Variants in MIPOL1 observed in about 807,000 individuals in gnomAD.
MIPOL1 encodes mirror-image polydactyly gene 1 protein.
A neutral mutation model predicts 60.9 loss-of-function variants in MIPOL1; 57 were observed. The ratio of observed to expected loss-of-function variants is 0.94; its 90% confidence interval spans 0.76 to 1.17. MIPOL1 has a LOEUF of 1.17. MIPOL1 is among the 50% of genes most tolerant of loss of function. MIPOL1 has a pLI of 0.00. For missense variants in MIPOL1, 551 were observed against 511.6 expected, an observed-to-expected ratio of 1.08 and a Z score of -0.74; for synonymous variants, 179 against 168.8, an observed-to-expected ratio of 1.06 and a Z score of -0.47.
chr14:37,496,798 CTACTT>C (rs2095137384), intron 11 of MIPOL1, among the ~76,000 whole-genome samples: 1 of 152,158 alleles, frequency 6.6e-6, no homozygotes, highest in Non-Finnish European at 1.5e-5. Flanking sequence ...TTGGAAAAAA[CTACTT>C]TAAAGTTCGT....
chr14:37,270,170 T>G (rs2083185905), intron 5 of MIPOL1, among the ~76,000 whole-genome samples: 1 of 152,138 alleles, frequency 6.6e-6, no homozygotes, highest in African/African-American at 2.4e-5. Flanking sequence ...CCTCTGAATT[T>G]AATTTGCCTG....
intron 3 of MIPOL1, among the ~76,000 whole-genome samples, chr14:37,263,771 A>G (rs2082674719): frequency 6.6e-6 from 1 of 152,222 alleles, no homozygotes; most frequent in South Asian, 2.1e-4. Flanking sequence ...AATGACACTG[A>G]TTAAACACTA....
chr14:37,230,138 G>C (rs1007997428), intron 1 of MIPOL1, among the ~76,000 whole-genome samples: 2 of 152,158 alleles, frequency 1.3e-5, no homozygotes, highest in Admixed American at 1.3e-4. Flanking sequence ...ATTCCACAAT[G>C]TATATTTCAA....
chr14:37,225,911 C>T lies in MIPOL1; in HGVS notation c.-198-21192C>T, dbSNP rs755168843. Among the ~76,000 whole-genome samples the T allele has an allele frequency of 3.0e-4, 46 of 152,066 alleles. 1 individual carries two copies. Among genetic ancestry groups the T allele is most frequent in the Non-Finnish European group, 5.7e-4 (39 of 68,006 alleles). ...TGCTTTGCTGTTGAGAAATTTCTTC[C>T]GCCAGACACCCTAAATCATCTCTCT... On this transcript the variant is annotated intron_variant, in intron 1 of 12. Transcript: ENST00000684589.
intron 10 of MIPOL1, among the ~76,000 whole-genome samples, chr14:37,380,535 A>G (rs1003637106): frequency 6.6e-6 from 1 of 152,154 alleles, no homozygotes; most frequent in Non-Finnish European, 1.5e-5. Context: ...TGAGATGCAG[A>G]TGAAACAACT....
intron 11 of MIPOL1, among the ~76,000 whole-genome samples, chr14:37,484,337 C>CTTTTTTTTTTTTT (rs71449995): frequency 8.6e-6 from 1 of 116,438 alleles, no homozygotes; most frequent in Non-Finnish European, 1.7e-5. Flanking sequence ...AATGTTAGAT[C>CTTTTTTTTTTTTT]TTTTTTTTTT....
rs189188480 is a variant in MIPOL1 at position 37,394,373 on chromosome 14, C to G, written c.936+24749C>G. 1.4e-4 allele frequency among the ~76,000 whole-genome samples: 22 copies of G among 151,990 alleles called. 1 individual carries two copies. The highest frequency in any genetic ancestry group is 2.5e-4 in the Non-Finnish European group (17 of 67,984). On this transcript the variant is annotated intron_variant, in intron 10 of 12. Coordinates refer to ENST00000684589, the MANE Select transcript of MIPOL1 (RefSeq NM_001388067.1). The stretch of plus-strand genomic sequence containing the variant: ...AAAATGGCTGTACTAGTTTACCTTC[C>G]CACCAGCAGTGTAGAAGTGTTCCCT...
chr14:37,293,754 C>A (rs2085327764), intron 7 of MIPOL1, among the ~76,000 whole-genome samples: 1 of 152,144 alleles, frequency 6.6e-6, no homozygotes, highest in East Asian at 1.9e-4. Context: ...GGCAGCGAGG[C>A]TTTGGTGGGG....
chr14:37,378,638 G>C (rs1197111176), intron 10 of MIPOL1, among the ~76,000 whole-genome samples: 1 of 140,160 alleles, frequency 7.1e-6, no homozygotes, highest in Non-Finnish European at 1.6e-5. Flanking sequence ...AGGGAAGGAG[G>C]AAAGGGAGGG....
chr14:37,421,271 C>G (rs963528601), intron 10 of MIPOL1, among the ~76,000 whole-genome samples: 2 of 152,098 alleles, frequency 1.3e-5, no homozygotes, highest in African/African-American at 4.8e-5. Context: ...TCAAAACAAT[C>G]ATTTTATTTC....
intron 1 of MIPOL1, among the ~76,000 whole-genome samples, chr14:37,211,955 A>G (rs577763652): frequency 1.4e-4 from 22 of 152,132 alleles, no homozygotes; most frequent in South Asian, 1.0e-3. Flanking sequence ...ACATTTGTAA[A>G]CACACCCAGG....
Position 37,267,045 on chromosome 14 carries a change from A to G in MIPOL1, c.127A>G (p.Thr43Ala). ...NSEKSMHRKSTELVNEITCEN... is the reference protein window; with the variant it reads ...NSEKSMHRKSAELVNEITCEN... ...TGAGAAAAGTATGCATCGGAAATCC[A>G]CTGAATTAGTTAATGAAATAACATG... Residue 43 changes from threonine to alanine, a missense_variant, in exon 4 of 13, where the codon ACT (threonine) becomes GCT (alanine). Physicochemically the swap from Thr to Ala is moderately conservative, Grantham distance 58. Coordinates refer to ENST00000684589, the MANE Select transcript of MIPOL1 (RefSeq NM_001388067.1). The G allele has an allele frequency of 6.2e-7, 1 of 1,614,014 alleles. No homozygotes were observed.
intron 1 of MIPOL1, among the ~76,000 whole-genome samples, chr14:37,240,102 A>G (rs1972114360): frequency 6.6e-6 from 1 of 152,100 alleles, no homozygotes; most frequent in East Asian, 1.9e-4. Flanking sequence ...CAATTATAAA[A>G]TTGTCATTAC....
chr14:37,308,069 A>T lies in MIPOL1; in HGVS notation c.637A>T (p.Asn213Tyr), dbSNP rs756246571. ...EMSLKVLENI[N>Y]PEENDMTLQE... ...CCTTTTTTCTAGGCTAGAAAATATT[A>T]ACCCTGAAGAAAATGACATGGTAAG... The change falls in exon 8 of 13, where the codon AAC (asparagine) becomes TAC (tyrosine). Residue 213 changes from asparagine (N) to tyrosine (Y), a missense_variant. Transcript: ENST00000684589. 1.2e-6 allele frequency: 2 copies of T among 1,611,006 alleles called. No homozygotes were observed. Among genetic ancestry groups the T allele is most frequent in the African/African-American group, 2.7e-5 (2 of 74,742 alleles).
At chr14:37,483,802 T>C (rs1262506405) in intron 11 of MIPOL1, among the ~76,000 whole-genome samples, 4 of 152,028 alleles carry the variant, frequency 2.6e-5, no homozygotes, top group African/African-American at 4.8e-5. Flanking sequence ...ACCTGACTGA[T>C]TTTTTAAAAA....
chr14:37,551,865 T>A (rs1194327605), downstream of MIPOL1: 1 of 146,246 alleles, frequency 6.8e-6, no homozygotes, highest in South Asian at 2.2e-4. Flanking sequence ...GGTGACAGAG[T>A]GAGACTGTCT....
At chr14:37,273,328 G>A (rs2083428322) in intron 6 of MIPOL1, among the ~76,000 whole-genome samples, 1 of 150,306 alleles carries the variant, frequency 6.7e-6, no homozygotes, top group Non-Finnish European at 1.5e-5. Context: ...TTTCTATAAT[G>A]AGCATAGATT....
rs1375622899 is a variant in MIPOL1 at position 37,347,609 on chromosome 14, G to A, written c.829-21908G>A. 3.3e-5 allele frequency among the ~76,000 whole-genome samples: 5 copies of A among 152,284 alleles called. No homozygotes were observed. The South Asian group carries it at 6.2e-4, about 19-fold the overall frequency. ...CACAAAGAGTATGAAGAAGTTAAAA[G>A]TAAGTCCACTCCTAGAGATATTGTT... On this transcript the variant is annotated intron_variant, in intron 9 of 12. Coordinates refer to ENST00000684589, the MANE Select transcript of MIPOL1 (RefSeq NM_001388067.1).
At chr14:37,461,951 A>G (rs2094544155) in intron 11 of MIPOL1, among the ~76,000 whole-genome samples, 1 of 152,114 alleles carries the variant, frequency 6.6e-6, no homozygotes, top group Non-Finnish European at 1.5e-5. Flanking sequence ...CAGTAGATCT[A>G]CCATTCTGGG....
Sources: allele counts gnomAD v4.1 joint callset (sites outside exome capture counted in the v4.1 genomes callset), GRCh38; gene constraint gnomAD v4.1.1; transcripts MANE v1.5; gene names NCBI Gene and HGNC (gene_info 2026-07-23, HGNC 2026-07-21).